Variants in CLEC16A observed in about 807,000 individuals in gnomAD.
CLEC16A encodes protein CLEC16A.
A neutral mutation model predicts 109.5 loss-of-function variants in CLEC16A; 51 were observed. The ratio of observed to expected loss-of-function variants is 0.47; its 90% CI spans 0.37 to 0.59. The LOEUF (loss-of-function observed/expected upper bound fraction) is 0.59, where lower values mean the gene tolerates loss of function less well. CLEC16A is among the 20% of genes least tolerant of loss of function. CLEC16A has a pLI of 0.00. For missense variants in CLEC16A, 1,339 were observed against 1,394.0 expected (o/e 0.96, Z 0.63); for synonymous variants, 673 against 564.2 (o/e 1.19, Z -2.73).
intron 3 of CLEC16A, 131 bp downstream of exon 3, chr16:10,962,719 T>C: frequency 3.1e-6 from 3 of 981,830 alleles, no homozygotes; most frequent in Non-Finnish European, 4.6e-6. Flanking sequence ...ATAGACTGAG[T>C]GGGTTAAACA....
At position 11,044,168 on chromosome 16, in the gene CLEC16A, C is replaced by T. The variant is rs962288362; in HGVS notation, c.1815+96C>T. 5.6e-6 allele frequency: 6 copies of T among 1,071,886 alleles called. No homozygotes were observed. In the Admixed American group the frequency reaches 1.6e-4, roughly 29 times the overall value. The allele number at this position is 1,071,886 out of a possible 1,614,324, so 66.4% of individuals were successfully genotyped here. A position where few individuals can be genotyped will look rare whatever the true frequency, so the allele number is the denominator to read the frequency against. ...TATGCAGATAAACGTTATATGTCTT[C>T]AGTTATTTTTTATGCCTATAATTAC... is the stretch of plus-strand genomic sequence containing the variant. On this transcript the variant is annotated intron_variant, in intron 16 of 23. Coordinates refer to ENST00000409790, the MANE Select transcript of CLEC16A (RefSeq NM_015226.3).
chr16:11,120,338 G>C (rs1237320742), intron 19 of CLEC16A, among the ~76,000 whole-genome samples: 2 of 152,222 alleles, frequency 1.3e-5, no homozygotes, highest in African/African-American at 4.8e-5. Context: ...GATGCTTTAT[G>C]TACTTTATAT....
intron 13 of CLEC16A, among the ~76,000 whole-genome samples, chr16:11,030,196 C>T (rs947526132): frequency 2.0e-5 from 3 of 152,136 alleles, no homozygotes; most frequent in Non-Finnish European, 4.4e-5. Context: ...TTTGTGTGGC[C>T]CCATACAATG....
Position 11,141,066 on chromosome 16 carries a change from T to A in CLEC16A, c.2641+14920T>A, listed in dbSNP as rs1597538390. ...GACGGATAGAGCTGCCTGCCCAAGG[T>A]CGCAAGCTCAGGGGTGGCAAGCCAG... On this transcript the variant is annotated intron_variant, in intron 22 of 23. Transcript: ENST00000409790. 2.0e-5 allele frequency among the ~76,000 whole-genome samples: 3 copies of A among 152,192 alleles called. No individual in the cohort carries two copies. In the South Asian group the frequency reaches 6.2e-4, roughly 32 times the overall value.
chr16:10,957,310 T>C (rs537098352), intron 1 of CLEC16A, among the ~76,000 whole-genome samples: 1 of 152,360 alleles, frequency 6.6e-6, no homozygotes, highest in African/African-American at 2.4e-5. Context: ...TCCATCTCTC[T>C]AAACCTCAAC....
At chr16:11,008,826 TA>T (rs35514760) in intron 11 of CLEC16A, among the ~76,000 whole-genome samples, 14,893 of 86,232 alleles carry the variant, frequency 0.17, 1,018 homozygotes, top group Middle Eastern at 0.25. Flanking sequence ...CCGTCTCTAC[TA>T]AAAAAAAAAA....
chr16:11,141,826 A>G (rs2053845246), intron 22 of CLEC16A, among the ~76,000 whole-genome samples: 1 of 152,214 alleles, frequency 6.6e-6, no homozygotes, highest in Non-Finnish European at 1.5e-5. Flanking sequence ...CACATCGTGT[A>G]GCAGCTTGGG....
chr16:11,041,647 G>C (rs182933803), intron 14 of CLEC16A: 12 of 152,566 alleles, frequency 7.9e-5, no homozygotes, highest in African/African-American at 2.6e-4. Flanking sequence ...TGCTGGCAAG[G>C]GTGAGGAGGT....
chr16:11,116,731 G>A (rs79811352), intron 19 of CLEC16A, among the ~76,000 whole-genome samples: 136 of 152,286 alleles, frequency 8.9e-4, no homozygotes, highest in African/African-American at 3.1e-3. Flanking sequence ...GTTTGTTATC[G>A]TGTGCTTTGG....
intron 22 of CLEC16A, among the ~76,000 whole-genome samples, chr16:11,154,881 C>G (rs1053866107): frequency 1.6e-4 from 24 of 152,076 alleles, no homozygotes; most frequent in African/African-American, 5.8e-4. Context: ...GAGCTGAGAT[C>G]GTGCCATTGC....
intron 13 of CLEC16A, among the ~76,000 whole-genome samples, chr16:11,030,815 T>C (rs954216848): frequency 6.6e-6 from 1 of 152,178 alleles, no homozygotes; most frequent in Non-Finnish European, 1.5e-5. Flanking sequence ...CGGCTGATTT[T>C]TGTATTTTTA....
intron 18 of CLEC16A, among the ~76,000 whole-genome samples, chr16:11,057,864 T>C (rs1159429946): frequency 6.6e-6 from 1 of 152,158 alleles, no homozygotes; most frequent in Non-Finnish European, 1.5e-5. Flanking sequence ...CTGCCTGTCA[T>C]TGCTCAGCTT....
chr16:10,996,966 G>A (rs111482551), intron 10 of CLEC16A, among the ~76,000 whole-genome samples: 99 of 152,208 alleles, frequency 6.5e-4, no homozygotes, highest in African/African-American at 2.2e-3. Context: ...GGTGTTTTTT[G>A]TTTGTTTGTT....
chr16:10,979,491 C>CA, intron 9 of CLEC16A, 109 bp downstream of exon 9: 2 of 940,088 alleles, frequency 2.1e-6, no homozygotes, highest in South Asian at 1.5e-5. Context: ...CTGTCCCCCC[C>CA]ATGCTGGAGT....
chr16:10,952,306 C>T (rs1290260571), intron 1 of CLEC16A, among the ~76,000 whole-genome samples: 1 of 152,196 alleles, frequency 6.6e-6, no homozygotes, highest in Non-Finnish European at 1.5e-5. Context: ...CCAGCCTGGC[C>T]AACATGGCTA....
At chr16:11,138,728 A>G (rs2053684902) in intron 22 of CLEC16A, among the ~76,000 whole-genome samples, 1 of 152,212 alleles carries the variant, frequency 6.6e-6, no homozygotes, top group Admixed American at 6.5e-5. Context: ...TTCACTCAAC[A>G]GCGTATCCTG....
At chr16:11,040,050 G>T in intron 14 of CLEC16A, 174 bp downstream of exon 14, 2 of 727,606 alleles carry the variant, frequency 2.7e-6, no homozygotes, top group Non-Finnish European at 4.3e-6. Context: ...CTGCCTGCTG[G>T]GACTGTGTCT....
At chr16:11,080,116 A>G (rs2049616581) in intron 19 of CLEC16A, among the ~76,000 whole-genome samples, 1 of 152,220 alleles carries the variant, frequency 6.6e-6, no homozygotes, top group Non-Finnish European at 1.5e-5. Context: ...ACTTGACTGT[A>G]GACAGGGACT....
At chr16:11,047,124 G>A (rs746982123) in intron 16 of CLEC16A, among the ~76,000 whole-genome samples, 168 bp from the exon 17 acceptor site, 3 of 152,108 alleles carry the variant, frequency 2.0e-5, no homozygotes, top group Non-Finnish European at 2.9e-5. Flanking sequence ...TGTCATTTGA[G>A]CGTGTGTGTT....
Sources: gnomAD v4.1 joint callset for allele counts (sites outside exome capture counted in the v4.1 genomes callset) on GRCh38, gnomAD v4.1.1 for gene constraint, MANE v1.5 for transcripts, NCBI Gene and HGNC (gene_info 2026-07-23, HGNC 2026-07-21) for gene names.